LRRC57: variants seen among roughly 807,000 people sequenced by gnomAD.
LRRC57 encodes leucine rich repeat containing 57.
Under a neutral mutation model 23.1 loss-of-function variants are expected in LRRC57, and 14 were observed. The ratio of observed to expected loss-of-function variants is 0.61; its 90% CI spans 0.40 to 0.95. The LOEUF (loss-of-function observed/expected upper bound fraction) is 0.95, where lower values mean the gene tolerates loss of function less well. LRRC57 is among the 40% of genes least tolerant of loss of function. The pLI is 0.00. For missense variants in LRRC57, 236 were observed against 284.4 expected (o/e 0.83, Z 1.22); for synonymous variants, 106 against 115.2 (o/e 0.92, Z 0.51).
At chr15:42,547,625 CTT>C (rs1328008494) in intron 3 of LRRC57, 96 bp from the exon 4 acceptor site, 1 of 1,123,752 alleles carries the variant, frequency 8.9e-7, no homozygotes, top group Non-Finnish European at 1.3e-6. Context: ...TGCTTCGCCT[CTT>C]GTTAATATAT....
At chr15:42,544,467 C>T (rs2057646349) in intron 5 of LRRC57, among the ~76,000 whole-genome samples, 1 of 151,864 alleles carries the variant, frequency 6.6e-6, no homozygotes, top group South Asian at 2.1e-4. Context: ...GAGCTGAGAT[C>T]CTGCCACTGC....
chr15:42,547,550 T>A (rs768336001), intron 3 of LRRC57, 21 bp from the exon 4 acceptor site: 4 of 1,592,142 alleles, frequency 2.5e-6, no homozygotes, highest in African/African-American at 1.4e-5. Context: ...AAAATTTTTT[T>A]AAAACCTGAA....
chr15:42,530,815 T>C, the LRRC57 span, among the ~76,000 whole-genome samples: 1 of 152,250 alleles, frequency 6.6e-6, no homozygotes, highest in African/African-American at 2.4e-5. Flanking sequence ...GGTGAGTTTT[T>C]AAGCTTGGCT....
rs1254945430 is a variant in LRRC57, at chr15:42,538,774, G to C, written c.*5309C>G. The C allele has an allele frequency of 6.6e-6, 1 of 152,294 alleles. No individual in the cohort carries two copies. Among genetic ancestry groups the C allele is most frequent in the South Asian group, 2.1e-4 (1 of 4,828 alleles). 9.4% of individuals were successfully genotyped at this position (152,294 alleles called of 1,614,324 possible). A position where few individuals can be genotyped will look rare whatever the true frequency, so the allele number is the denominator to read the frequency against. ...CTATATTTACAAGTGAGACGAAATT[G>C]CTCAAATTCATAAAGCTAATAAATG... is the stretch of plus-strand genomic sequence containing the variant. On this transcript the variant is annotated 3_prime_UTR_variant, in exon 6 of 6. Transcript: ENST00000397130.
intron 1 of LRRC57, 47 bp from the exon 2 acceptor site, chr15:42,548,503 C>T: frequency 6.6e-7 from 1 of 1,519,580 alleles, no homozygotes; most frequent in Non-Finnish European, 8.9e-7. Context: ...ACCCGGTCGG[C>T]CTCCCGGCTG....
In LRRC57 at chr15:42,548,409, T is replaced by A; in HGVS notation, c.26A>T (p.His9Leu). ...ACCAGTTTTCTGCGCCGTTTCCACA[T>A]GAGCGCGGAGCGCACTGTTTCCCAT... MGNSALRA[H>L]VETAQKTGVF... is the part of the protein sequence containing the mutation. The change falls in exon 2 of 6, where the codon CAT becomes CTT. Residue 9 changes from histidine (H) to leucine (L), a missense_variant. By Grantham distance (99) the His-to-Leu change is moderately conservative. Coordinates refer to ENST00000397130, the MANE Select transcript of LRRC57 (RefSeq NM_153260.3). 3 of 1,614,122 alleles carry A rather than the reference T, an allele frequency of 1.9e-6. No individual in the cohort carries two copies. Among genetic ancestry groups the A allele is most frequent in the Non-Finnish European group, 2.5e-6 (3 of 1,180,028 alleles).
At chr15:42,546,467 A>G (rs1234809083) in intron 4 of LRRC57, among the ~76,000 whole-genome samples, 1 of 152,220 alleles carries the variant, frequency 6.6e-6, no homozygotes, top group Non-Finnish European at 1.5e-5. Flanking sequence ...CATGAGGCCA[A>G]TTCCTCAAAG....
the LRRC57 span, chr15:42,531,473 A>C: frequency 3.6e-5 from 58 of 1,601,280 alleles, no homozygotes; most frequent in East Asian, 1.3e-3. Flanking sequence ...ACTCATTGAC[A>C]GCTAAAGCTA....
In LRRC57 at chr15:42,547,983, C is replaced by T. The variant is rs1380229003; in HGVS notation, c.223+123G>A. 9 of 907,542 alleles carry T rather than the reference C, an allele frequency of 9.9e-6. No homozygotes were observed. In the East Asian group the frequency reaches 1.7e-4, roughly 17 times the overall value. The allele number at this position is 907,542 out of a possible 1,614,324, so 56.2% of individuals were successfully genotyped here. On this transcript the variant is annotated intron_variant, in intron 3 of 5. Transcript: ENST00000397130. ...AGTAGAAAGAAGGCTTCAAGGATTCCGGCATTCGCAACTTGAGCCCTCCTG... is the reference window on the plus strand; with the variant it reads ...AGTAGAAAGAAGGCTTCAAGGATTCTGGCATTCGCAACTTGAGCCCTCCTG...
At position 42,548,417 on chromosome 15, in the gene LRRC57, G is replaced by A; in HGVS notation, c.18C>T (p.Leu6=). Residue 6 remains leucine, a synonymous_variant, in exon 2 of 6, where the codon CTC becomes CTT. Transcript: ENST00000397130. MGNSA[L]RAHVETAQKT... ...TCTGCGCCGTTTCCACATGAGCGCG[G>A]AGCGCACTGTTTCCCATCCTAGCGC... 1 of 1,614,018 alleles carries A rather than the reference G, an allele frequency of 6.2e-7. No individual in the cohort carries two copies. The highest frequency in any genetic ancestry group is 8.5e-7 in the Non-Finnish European group (1 of 1,180,042).
At chr15:42,533,571 A>T (rs1230400842), downstream of LRRC57, among the ~76,000 whole-genome samples, 3 of 152,204 alleles carry the variant, frequency 2.0e-5, no homozygotes, top group South Asian at 2.1e-4. Flanking sequence ...ATAAAAAAAA[A>T]TTTTAGCACT....
rs2057623356 is a variant in LRRC57, at chr15:42,540,522, G to C, written c.*3561C>G. The C allele has an allele frequency of 2.6e-5, 4 of 152,022 alleles. No individual in the cohort carries two copies. Among genetic ancestry groups the C allele is most frequent in the African/African-American group, 4.8e-5 (2 of 41,386 alleles). The allele number at this position is 152,022 out of a possible 1,614,324, so 9.4% of individuals were successfully genotyped here. A position where few individuals can be genotyped will look rare whatever the true frequency, so the allele number is the denominator to read the frequency against. The stretch of plus-strand genomic sequence containing the variant: ...GGAGGTATTGAAACCAATCCTCCAT[G>C]GACACTGAGGGACAAGCTGTATAAA... On this transcript the variant is annotated 3_prime_UTR_variant, in exon 6 of 6. Coordinates refer to ENST00000397130, the MANE Select transcript of LRRC57 (RefSeq NM_153260.3).
chr15:42,537,485 T>A (rs138321017), downstream of LRRC57, among the ~76,000 whole-genome samples: 3 of 152,088 alleles, frequency 2.0e-5, no homozygotes, highest in East Asian at 5.8e-4. Flanking sequence ...TATGGAGATC[T>A]CTCAGAAAAC....
At chr15:42,529,650 G>A in the LRRC57 span, 5 of 1,601,986 alleles carry the variant, frequency 3.1e-6, no homozygotes, top group Admixed American at 3.6e-5. Context: ...CAAAACCTAT[G>A]GAATTAACTG....
At chr15:42,528,497 G>T in the LRRC57 span, 9 of 1,325,188 alleles carry the variant, frequency 6.8e-6, no homozygotes, top group African/African-American at 1.3e-4. Flanking sequence ...AGCAGTACAT[G>T]ACCCCTAATA....
At chr15:42,534,754 G>A (rs572919536), downstream of LRRC57, among the ~76,000 whole-genome samples, 1 of 152,230 alleles carries the variant, frequency 6.6e-6, no homozygotes, top group East Asian at 1.9e-4. Flanking sequence ...AGAGCTCTTG[G>A]GTGACCATAT....
At chr15:42,533,491 A>G (rs1168297065), downstream of LRRC57, among the ~76,000 whole-genome samples, 4 of 151,082 alleles carry the variant, frequency 2.6e-5, no homozygotes, top group Non-Finnish European at 5.9e-5. Flanking sequence ...CAGGGATGGT[A>G]AATATGTAAA....
the LRRC57 span, among the ~76,000 whole-genome samples, chr15:42,530,957 C>T: frequency 3.3e-5 from 5 of 152,048 alleles, no homozygotes; most frequent in African/African-American, 1.2e-4. Flanking sequence ...GTAATAGATT[C>T]GTTTCAAAGA....
At chr15:42,530,778 C>T in the LRRC57 span, among the ~76,000 whole-genome samples, 1 of 152,142 alleles carries the variant, frequency 6.6e-6, no homozygotes, top group African/African-American at 2.4e-5. Context: ...GAAAGTCATA[C>T]CTCATTAAAA....
Sources: gnomAD v4.1 joint callset for allele counts (sites outside exome capture counted in the v4.1 genomes callset) on GRCh38, gnomAD v4.1.1 for gene constraint, MANE v1.5 for transcripts, NCBI Gene and HGNC (gene_info 2026-07-23, HGNC 2026-07-21) for gene names.